SS18: variants seen among roughly 807,000 people sequenced by gnomAD.
SS18 encodes the protein protein SSXT.
SS18 carries 28 observed loss-of-function variants against 72.5 expected under a neutral mutation model. That is an observed-to-expected ratio of 0.39 (90% CI 0.29 to 0.53). The LOEUF is 0.53. Ranked by LOEUF, SS18 falls within the 20% of genes least tolerant of loss-of-function variation. SS18 has a pLI of 0.76. For synonymous variants in SS18, 172 were observed against 164.2 expected (o/e 1.05, Z -0.37); for missense variants, 518 against 535.3 (o/e 0.97, Z 0.32).
chr18:26,035,799 A>T lies in SS18; in HGVS notation c.973+32T>A. 1.4e-6 allele frequency: 2 copies of T among 1,430,326 alleles called. No homozygotes were observed. The highest frequency in any genetic ancestry group is 1.9e-6 in the Non-Finnish European group (2 of 1,032,742). 88.6% of individuals were successfully genotyped at this position (1,430,326 alleles called of 1,614,324 possible). ...TTTTCATTCCTGTAGAAGGGGATAT[A>T]TATGTGTATGTGTGTGAAGGTATAT... On this transcript the variant is annotated intron_variant, in intron 8 of 10. Coordinates refer to ENST00000415083, the MANE Select transcript of SS18 (RefSeq NM_001007559.3). The surrounding 1 kb of genome is among the most constrained non-coding windows in gnomAD (Gnocchi z 4.4).
At chr18:26,038,415 T>C in intron 7 of SS18, 140 bp downstream of exon 7, 4 of 701,604 alleles carry the variant, frequency 5.7e-6, no homozygotes, top group Non-Finnish European at 2.5e-6. Context: ...TCATTGGTAC[T>C]TTAGAGTACT....
At chr18:26,048,658 A>C (rs564094288) in intron 5 of SS18, among the ~76,000 whole-genome samples, 1 of 152,218 alleles carries the variant, frequency 6.6e-6, no homozygotes, top group Non-Finnish European at 1.5e-5. Context: ...TAGGTACTGA[A>C]AGAAAAATCT....
intron 2 of SS18, among the ~76,000 whole-genome samples, chr18:26,086,406 T>C (rs1365973895): frequency 1.3e-5 from 2 of 152,198 alleles, no homozygotes; most frequent in Non-Finnish European, 2.9e-5. Context: ...GTTTCCAAGA[T>C]TTAGAACAAC....
At chr18:26,070,943 T>G (rs954650326) in intron 3 of SS18, among the ~76,000 whole-genome samples, 1 of 152,042 alleles carries the variant, frequency 6.6e-6, no homozygotes, top group African/African-American at 2.4e-5. Flanking sequence ...AGAGCAGATC[T>G]AAAAAAGAAC....
At chr18:26,036,937 T>C (rs1333596522) in intron 7 of SS18, among the ~76,000 whole-genome samples, 1 of 152,020 alleles carries the variant, frequency 6.6e-6, no homozygotes, top group African/African-American at 2.4e-5. Flanking sequence ...ACAATAAGAG[T>C]TCAGTAGCTG....
intron 4 of SS18, among the ~76,000 whole-genome samples, chr18:26,056,960 C>T (rs2054032698): frequency 6.6e-6 from 1 of 152,152 alleles, no homozygotes; most frequent in South Asian, 2.1e-4. Flanking sequence ...TGACCCTACA[C>T]TTAAAATTGA....
chr18:26,085,827 T>C (rs1333359479), intron 2 of SS18: 26 of 152,132 alleles, frequency 1.7e-4, no homozygotes, highest in Admixed American at 1.7e-3. Flanking sequence ...TGGAATTAAA[T>C]AGAGGGTAAA....
chr18:26,090,713 G>C (rs76998065), upstream of SS18: 1,446 of 859,066 alleles, frequency 1.7e-3, 17 homozygotes, highest in African/African-American at 0.022. Flanking sequence ...GGGCGGCGGG[G>C]CAGGCCTGAA....
At chr18:26,062,668 G>T (rs2054144904) in intron 3 of SS18, among the ~76,000 whole-genome samples, 1 of 151,912 alleles carries the variant, frequency 6.6e-6, no homozygotes, top group African/African-American at 2.4e-5. Flanking sequence ...AAAGTCAAGG[G>T]AACAGATATA....
chr18:26,080,829 C>T (rs2054504814), intron 2 of SS18, among the ~76,000 whole-genome samples: 1 of 151,980 alleles, frequency 6.6e-6, no homozygotes, highest in Admixed American at 6.6e-5. Context: ...TTTCCAAAAC[C>T]ATTTGTGAGT....
At chr18:26,030,235 G>T (rs1323918037) in intron 10 of SS18, among the ~76,000 whole-genome samples, 1 of 152,026 alleles carries the variant, frequency 6.6e-6, no homozygotes, top group African/African-American at 2.4e-5. Context: ...TCTTCCCCAT[G>T]CTTCTGCTTT....
intron 3 of SS18, among the ~76,000 whole-genome samples, chr18:26,064,441 AATTT>A (rs778483548): frequency 2.0e-5 from 3 of 152,302 alleles, no homozygotes; most frequent in Non-Finnish European, 2.9e-5. Context: ...TAACCAATGA[AATTT>A]ATTACAGGAA....
intron 3 of SS18, among the ~76,000 whole-genome samples, chr18:26,063,578 T>C (rs1431201009): frequency 1.3e-5 from 2 of 152,058 alleles, no homozygotes; most frequent in Non-Finnish European, 2.9e-5. Flanking sequence ...AAAGAAGAAA[T>C]CACAATGGAA....
chr18:26,045,615 T>C (rs1180277479), intron 5 of SS18, among the ~76,000 whole-genome samples: 1 of 152,204 alleles, frequency 6.6e-6, no homozygotes, highest in Non-Finnish European at 1.5e-5. Flanking sequence ...CTTTTAACCT[T>C]ATAACATTCA....
chr18:26,022,678 A>G (rs1353588944), intron 10 of SS18, among the ~76,000 whole-genome samples: 1 of 152,208 alleles, frequency 6.6e-6, no homozygotes, highest in Non-Finnish European at 1.5e-5. Flanking sequence ...AAAGGTAGCT[A>G]GAGTTAACAG....
At chr18:26,058,119 C>G (rs2144022326) in intron 3 of SS18, among the ~76,000 whole-genome samples, 1 of 152,158 alleles carries the variant, frequency 6.6e-6, no homozygotes, top group South Asian at 2.1e-4. Flanking sequence ...TGTACAGTAA[C>G]AAAAAATGAT....
intron 10 of SS18, among the ~76,000 whole-genome samples, chr18:26,026,002 G>T (rs1025672125): frequency 4.6e-5 from 7 of 152,100 alleles, no homozygotes; most frequent in African/African-American, 1.7e-4. Flanking sequence ...ATTAAACACT[G>T]CACTGAAAAT....
intron 5 of SS18, among the ~76,000 whole-genome samples, chr18:26,040,629 T>C (rs959904250): frequency 1.3e-5 from 2 of 152,158 alleles, no homozygotes; most frequent in South Asian, 2.1e-4. Context: ...TATTACTGAC[T>C]TACAACAGCA....
chr18:26,090,490 C>A lies in SS18; in HGVS notation c.69+11G>T, dbSNP rs2054704570. 3.8e-6 allele frequency: 6 copies of A among 1,563,072 alleles called. No homozygotes were observed. The highest frequency in any genetic ancestry group is 1.4e-5 in the African/African-American group (1 of 73,298). ...TAAGGGCCTGGCATCCGCAACCCCG[C>A]GCGGTTTCACCTTCTGAATCGCAGC... is the stretch of plus-strand genomic sequence containing the variant. On this transcript the variant is annotated intron_variant, in intron 1 of 10. Coordinates refer to ENST00000415083, the MANE Select transcript of SS18 (RefSeq NM_001007559.3).
Sources: gnomAD v4.1 joint callset for allele counts (sites outside exome capture counted in the v4.1 genomes callset) on GRCh38, gnomAD v4.1.1 for gene constraint, Gnocchi (gnomAD v3.1) non-coding constraint, MANE v1.5 for transcripts, NCBI Gene and HGNC (gene_info 2026-07-23, HGNC 2026-07-21) for gene names.